Variants in CAST observed in about 807,000 individuals in gnomAD.
CAST encodes the protein MIR583 host.
Under a neutral mutation model 119.6 loss-of-function variants are expected in CAST, and 76 were observed. The ratio of observed to expected loss-of-function variants is 0.64; its 90% CI spans 0.53 to 0.77. The LOEUF is 0.77. CAST is among the 30% of genes least tolerant of loss of function. CAST has a pLI of 0.00. For missense variants in CAST, 953 were observed against 946.5 expected (o/e 1.01, Z -0.09); for synonymous variants, 319 against 331.6 (o/e 0.96, Z 0.41).
At chr5:96,044,463 C>T in the CAST span, among the ~76,000 whole-genome samples, 2 of 152,180 alleles carry the variant, frequency 1.3e-5, no homozygotes, top group Non-Finnish European at 2.9e-5. Context: ...TTTGGACTTT[C>T]TAGCCTCCAG....
the CAST span, among the ~76,000 whole-genome samples, chr5:95,995,630 C>T: frequency 6.6e-6 from 1 of 151,942 alleles, no homozygotes; most frequent in African/African-American, 2.4e-5. Flanking sequence ...GTCGTGTGGT[C>T]TCAGACCATT....
intron 1 of CAST, among the ~76,000 whole-genome samples, chr5:96,671,564 A>G (rs1309291746): frequency 6.6e-6 from 1 of 152,178 alleles, no homozygotes; most frequent in Non-Finnish European, 1.5e-5. Context: ...TGCTTTATTC[A>G]TGAACCAAGG....
At chr5:96,413,007 C>T in the CAST span, 1 of 976,606 alleles carries the variant, frequency 1.0e-6, no homozygotes. Flanking sequence ...CAGTCTACGC[C>T]ACACAAGGAC....
At chr5:96,119,353 T>C in the CAST span, among the ~76,000 whole-genome samples, 1 of 152,078 alleles carries the variant, frequency 6.6e-6, no homozygotes, top group African/African-American at 2.4e-5. Flanking sequence ...AACCCCAAAG[T>C]TTCCAGCATT....
the CAST span, among the ~76,000 whole-genome samples, chr5:96,471,194 CAT>C: frequency 6.6e-6 from 1 of 152,056 alleles, no homozygotes; most frequent in Non-Finnish European, 1.5e-5. Flanking sequence ...CTCCCAGACT[CAT>C]ATTCTTCAGA....
intron 1 of CAST, among the ~76,000 whole-genome samples, chr5:96,617,442 A>C (rs1303762456): frequency 6.6e-6 from 1 of 152,154 alleles, no homozygotes; most frequent in Non-Finnish European, 1.5e-5. Context: ...GACATTATTC[A>C]CCTGAAGTTT....
chr5:96,593,788 A>G lies in CAST; in HGVS notation c.60+63908A>G, dbSNP rs577610187. On this transcript the variant is annotated intron_variant, in intron 1 of 11. Coordinates refer to the CAST transcript ENST00000505143. The stretch of plus-strand genomic sequence containing the variant: ...CCACCATGTGGGAATCCAGGAAGAT[A>G]GCCATTTGCCACCCAGGAGCAGGCC... Among the ~76,000 whole-genome samples, 7 of 152,304 alleles carry G rather than the reference A, an allele frequency of 4.6e-5. No homozygotes were observed. The South Asian group carries it at 1.5e-3, about 32-fold the overall frequency.
chr5:96,487,442 C>T, the CAST span, among the ~76,000 whole-genome samples: 1 of 152,224 alleles, frequency 6.6e-6, no homozygotes, highest in East Asian at 1.9e-4. Flanking sequence ...CCATTTCCCA[C>T]ATCAGTTATA....
chr5:96,435,864 T>C, the CAST span, among the ~76,000 whole-genome samples: 2 of 152,188 alleles, frequency 1.3e-5, no homozygotes, highest in African/African-American at 4.8e-5. Flanking sequence ...TCACCATATC[T>C]CTTTAGTCTT....
chr5:96,060,084 C>T, the CAST span, among the ~76,000 whole-genome samples: 8 of 152,152 alleles, frequency 5.3e-5, no homozygotes, highest in African/African-American at 1.4e-4. Context: ...CAAATTAACA[C>T]AGCCTCAGGC....
chr5:96,300,223 T>G, the CAST span, among the ~76,000 whole-genome samples: 1 of 152,236 alleles, frequency 6.6e-6, no homozygotes, highest in Middle Eastern at 3.4e-3. Context: ...TCTAGTATTT[T>G]TATAGTTTCA....
At chr5:96,592,764 C>CT (rs763848888) in intron 1 of CAST, among the ~76,000 whole-genome samples, 63,542 of 146,808 alleles carry the variant, frequency 0.43, 14,735 homozygotes, top group East Asian at 0.66. Context: ...GTTTTATTTT[C>CT]TTTTTTTTTT....
chr5:96,534,885 AAAG>A (rs1415323851), intron 1 of CAST, among the ~76,000 whole-genome samples: 4 of 150,828 alleles, frequency 2.7e-5, no homozygotes, highest in Non-Finnish European at 5.9e-5. Flanking sequence ...GAAAGAAAAG[AAAG>A]AAAGAAGGAA....
At chr5:96,652,556 T>C (rs1448788051) in intron 1 of CAST, among the ~76,000 whole-genome samples, 1 of 152,190 alleles carries the variant, frequency 6.6e-6, no homozygotes, top group African/African-American at 2.4e-5. Flanking sequence ...GGAAACCCTA[T>C]GTTTAGGTGA....
At chr5:96,163,884 C>T in the CAST span, among the ~76,000 whole-genome samples, 1 of 152,218 alleles carries the variant, frequency 6.6e-6, no homozygotes, top group South Asian at 2.1e-4. Flanking sequence ...TCACTGCCAA[C>T]TCTGTGGGTT....
chr5:96,129,069 G>A, the CAST span, among the ~76,000 whole-genome samples: 3 of 152,080 alleles, frequency 2.0e-5, no homozygotes, highest in South Asian at 2.1e-4. Context: ...TTAAGACTGA[G>A]CTACCTAGCA....
At chr5:96,062,883 C>G in the CAST span, among the ~76,000 whole-genome samples, 5 of 152,064 alleles carry the variant, frequency 3.3e-5, no homozygotes, top group Non-Finnish European at 7.4e-5. Flanking sequence ...CCTTGACCAG[C>G]AGAGACACTA....
At chr5:96,653,573 A>G (rs75688868) in intron 1 of CAST, among the ~76,000 whole-genome samples, 10,261 of 152,298 alleles carry the variant, frequency 0.067, 405 homozygotes, top group African/African-American at 0.1. Context: ...ATTGCTGTGA[A>G]GGTTTATAAA....
the CAST span, among the ~76,000 whole-genome samples, chr5:96,356,437 G>T: frequency 6.6e-6 from 1 of 152,152 alleles, no homozygotes; most frequent in Non-Finnish European, 1.5e-5. Context: ...GTATTGCCCA[G>T]GTTTTATTTT....
Sources: allele counts gnomAD v4.1 joint callset (sites outside exome capture counted in the v4.1 genomes callset), GRCh38; gene constraint gnomAD v4.1.1; transcripts MANE v1.5; gene names NCBI Gene and HGNC (gene_info 2026-07-23, HGNC 2026-07-21).